CSGALNACT1: variants seen among roughly 807,000 people sequenced by gnomAD.
The protein encoded by CSGALNACT1 is chondroitin sulfate N-acetylgalactosaminyltransferase 1, also known as beta4GalNAcT-1.
A neutral mutation model predicts 51.0 loss-of-function variants in CSGALNACT1; 52 were observed. The ratio of observed to expected loss-of-function variants is 1.02; its 90% CI spans 0.82 to 1.29. The LOEUF (loss-of-function observed/expected upper bound fraction) is 1.29, where lower values mean the gene tolerates loss of function less well. Ranked by LOEUF, CSGALNACT1 falls within the 50% of genes most tolerant of loss-of-function variation. CSGALNACT1 has a pLI of 0.00. For missense variants in CSGALNACT1, 935 were observed against 679.2 expected (o/e 1.38, Z -4.19); for synonymous variants, 341 against 254.4 (o/e 1.34, Z -3.24).
intron 4 of CSGALNACT1, among the ~76,000 whole-genome samples, chr8:19,470,570 G>A (rs900692844): frequency 3.3e-5 from 5 of 152,186 alleles, no homozygotes; most frequent in Non-Finnish European, 7.3e-5. Flanking sequence ...GCAGGCACTG[G>A]GAAGCGAGTG....
At chr8:19,539,703 G>A (rs967584271) in intron 3 of CSGALNACT1, among the ~76,000 whole-genome samples, 7 of 152,174 alleles carry the variant, frequency 4.6e-5, no homozygotes, top group Non-Finnish European at 8.8e-5. Flanking sequence ...ATGTGACACA[G>A]CAATATTTAT....
intron 1 of CSGALNACT1, among the ~76,000 whole-genome samples, chr8:19,641,075 C>G (rs1185974014): frequency 6.7e-6 from 1 of 148,896 alleles, no homozygotes; most frequent in Non-Finnish European, 1.5e-5. Flanking sequence ...ATGGAGTTCT[C>G]AAGTCTCCCA....
intron 6 of CSGALNACT1, among the ~76,000 whole-genome samples, chr8:19,433,026 T>A (rs555315772): frequency 1.3e-4 from 20 of 152,278 alleles, no homozygotes; most frequent in African/African-American, 4.8e-4. Context: ...ATTGAACATT[T>A]AAAAAAATGT....
chr8:19,545,334 T>A (rs970082790), intron 3 of CSGALNACT1, among the ~76,000 whole-genome samples: 1 of 152,094 alleles, frequency 6.6e-6, no homozygotes, highest in Admixed American at 6.6e-5. Context: ...ACAATTAACG[T>A]TTAATTGAAC....
intron 3 of CSGALNACT1, among the ~76,000 whole-genome samples, chr8:19,589,682 T>A (rs77311543): frequency 0.024 from 3,690 of 152,264 alleles, 160 homozygotes; most frequent in African/African-American, 0.084. Flanking sequence ...TAAAATAATC[T>A]TATCAACTAG....
At chr8:19,478,142 C>A (rs1439729901) in intron 4 of CSGALNACT1, among the ~76,000 whole-genome samples, 3 of 54,640 alleles carry the variant, frequency 5.5e-5, no homozygotes, top group Non-Finnish European at 1.5e-4. Flanking sequence ...GGGCCGGGTG[C>A]GGTGGCTCAC....
chr8:19,571,124 C>T (rs1254293534), intron 3 of CSGALNACT1, among the ~76,000 whole-genome samples: 1 of 152,088 alleles, frequency 6.6e-6, no homozygotes, highest in African/African-American at 2.4e-5. Context: ...AAGTGTGTCA[C>T]CACACCTAGC....
At chr8:19,435,701 C>A (rs796506554) in intron 6 of CSGALNACT1, among the ~76,000 whole-genome samples, 27 of 152,174 alleles carry the variant, frequency 1.8e-4, no homozygotes, top group African/African-American at 6.3e-4. Context: ...CAGGTTATTC[C>A]AAAGCATGTT....
intron 3 of CSGALNACT1, among the ~76,000 whole-genome samples, chr8:19,590,763 C>T (rs1413574643): frequency 1.4e-5 from 2 of 147,946 alleles, no homozygotes; most frequent in Non-Finnish European, 3.0e-5. Context: ...AATTCTCCTG[C>T]TTCAGCCTCT....
intron 4 of CSGALNACT1, among the ~76,000 whole-genome samples, chr8:19,485,481 T>G (rs1463117352): frequency 6.6e-6 from 1 of 152,086 alleles, no homozygotes; most frequent in Non-Finnish European, 1.5e-5. Context: ...TTCAGGGGCA[T>G]AATGGGATAG....
intron 3 of CSGALNACT1, among the ~76,000 whole-genome samples, chr8:19,531,133 G>C (rs1309944327): frequency 6.6e-6 from 1 of 152,172 alleles, no homozygotes; most frequent in Non-Finnish European, 1.5e-5. Context: ...ATTCCAGGGA[G>C]CTTGAAACTC....
At chr8:19,750,165 C>T (rs1175215668) in intron 1 of CSGALNACT1, among the ~76,000 whole-genome samples, 3 of 152,204 alleles carry the variant, frequency 2.0e-5, no homozygotes, top group Non-Finnish European at 2.9e-5. Context: ...AATAGCTTCT[C>T]CCTTACCCCT....
At chr8:19,543,112 G>T (rs1489965779) in intron 3 of CSGALNACT1, among the ~76,000 whole-genome samples, 1 of 152,074 alleles carries the variant, frequency 6.6e-6, no homozygotes, top group Non-Finnish European at 1.5e-5. Context: ...CAAATACTAG[G>T]CTCACGGAGT....
At chr8:19,673,546 G>A (rs1447347895) in intron 1 of CSGALNACT1, among the ~76,000 whole-genome samples, 1 of 152,202 alleles carries the variant, frequency 6.6e-6, no homozygotes. Context: ...CACCACAGGA[G>A]AAAAGAGTGA....
chr8:19,493,034 T>C (rs931824515), intron 4 of CSGALNACT1, among the ~76,000 whole-genome samples: 4 of 144,492 alleles, frequency 2.8e-5, no homozygotes, highest in South Asian at 2.3e-4. Context: ...ATAAATTCGA[T>C]AGCTGCCTAA....
intron 1 of CSGALNACT1, among the ~76,000 whole-genome samples, chr8:19,671,103 G>A (rs1446602383): frequency 6.6e-6 from 1 of 152,208 alleles, no homozygotes; most frequent in Non-Finnish European, 1.5e-5. Context: ...AGCCCAGAGT[G>A]GAGGGCAGGA....
chr8:19,632,931 C>CTT (rs747351529), intron 1 of CSGALNACT1, among the ~76,000 whole-genome samples: 1 of 138,292 alleles, frequency 7.2e-6, no homozygotes, highest in Non-Finnish European at 1.6e-5. Flanking sequence ...ATTTTTTTTT[C>CTT]TTTTTTTTTT....
In CSGALNACT1 at chr8:19,573,109, T is replaced by C. The variant is rs143343207; in HGVS notation, c.-297+18051A>G. Among the ~76,000 whole-genome samples, 273 of 152,324 alleles carry C rather than the reference T, an allele frequency of 1.8e-3. 1 individual carries two copies. Among genetic ancestry groups the C allele is most frequent in the African/African-American group, 6.3e-3 (261 of 41,574 alleles). On this transcript the variant is annotated intron_variant, in intron 3 of 9. Transcript: ENST00000454498. The stretch of plus-strand genomic sequence containing the variant: ...GATCATTTAAAAGGATACACTCCCA[T>C]GGCGGTAGCATTCGGAGGTTTTACT...
intron 1 of CSGALNACT1, among the ~76,000 whole-genome samples, chr8:19,746,513 G>C (rs1316686077): frequency 1.3e-5 from 2 of 152,198 alleles, no homozygotes; most frequent in African/African-American, 2.4e-5. Context: ...TCTTAGATAA[G>C]TCACTTAGCC....
Sources: allele counts gnomAD v4.1 joint callset (sites outside exome capture counted in the v4.1 genomes callset), GRCh38; gene constraint gnomAD v4.1.1; transcripts MANE v1.5; gene names NCBI Gene and HGNC (gene_info 2026-07-23, HGNC 2026-07-21).